Variants in CHCHD6 observed in about 807,000 individuals in gnomAD.
The protein encoded by CHCHD6 is MICOS complex subunit MIC25.
A neutral mutation model predicts 32.3 loss-of-function variants in CHCHD6; 28 were observed. That is an observed-to-expected ratio of 0.87 (90% CI 0.64 to 1.19). The LOEUF (loss-of-function observed/expected upper bound fraction) is 1.19. Ranked by LOEUF, CHCHD6 falls within the 50% of genes most tolerant of loss-of-function variation. The probability of loss-of-function intolerance (pLI) is 0.00; values close to 1 mark genes in which losing one functional copy is unlikely to be tolerated. For missense variants in CHCHD6, 333 were observed against 307.0 expected (o/e 1.08, Z -0.63); for synonymous variants, 122 against 117.5 (o/e 1.04, Z -0.25).
At chr3:126,796,687 C>A (rs1246348029) in intron 4 of CHCHD6, among the ~76,000 whole-genome samples, 1 of 152,090 alleles carries the variant, frequency 6.6e-6, no homozygotes, top group African/African-American at 2.4e-5. Context: ...GTGATTTGAA[C>A]AATGGAAATG....
chr3:126,847,544 A>G (rs1941333223), intron 4 of CHCHD6, among the ~76,000 whole-genome samples: 2 of 152,276 alleles, frequency 1.3e-5, no homozygotes, highest in East Asian at 3.9e-4. Context: ...ACTTTGCCAT[A>G]TTCTATTTAT....
At chr3:126,832,675 C>T (rs908510029) in intron 4 of CHCHD6, among the ~76,000 whole-genome samples, 1 of 152,158 alleles carries the variant, frequency 6.6e-6, no homozygotes, top group Admixed American at 6.5e-5. Flanking sequence ...AGAATTGCTG[C>T]CATCTTCATG....
At chr3:126,732,939 ACT>A (rs1935874652) in intron 3 of CHCHD6, 137 bp from the exon 4 acceptor site, 4 of 847,350 alleles carry the variant, frequency 4.7e-6, no homozygotes, top group Non-Finnish European at 7.4e-6. Context: ...GTTTCACAGC[ACT>A]CTCTCCTTTC....
chr3:126,857,454 A>G (rs899552657), intron 5 of CHCHD6, among the ~76,000 whole-genome samples: 9 of 152,140 alleles, frequency 5.9e-5, no homozygotes, highest in Non-Finnish European at 7.3e-5. Flanking sequence ...CTGAGCAGTC[A>G]GCCCTTTCCC....
At chr3:126,844,871 T>C (rs1240934762) in intron 4 of CHCHD6, among the ~76,000 whole-genome samples, 1 of 152,038 alleles carries the variant, frequency 6.6e-6, no homozygotes, top group African/African-American at 2.4e-5. Flanking sequence ...GAAAAGAAGA[T>C]ATGATAAGGG....
At chr3:126,816,708 T>A (rs1275999710) in intron 4 of CHCHD6, among the ~76,000 whole-genome samples, 2 of 152,166 alleles carry the variant, frequency 1.3e-5, no homozygotes, top group Non-Finnish European at 2.9e-5. Context: ...TTATTTATTT[T>A]TTTATATATT....
chr3:126,749,071 C>T (rs1193092496), intron 4 of CHCHD6, among the ~76,000 whole-genome samples: 1 of 152,102 alleles, frequency 6.6e-6, no homozygotes, highest in Non-Finnish European at 1.5e-5. Context: ...GGGAGCTCTG[C>T]AGTTTGTGGG....
intron 6 of CHCHD6, among the ~76,000 whole-genome samples, chr3:126,926,353 AG>A (rs1427007815): frequency 6.6e-6 from 1 of 152,254 alleles, no homozygotes; most frequent in Admixed American, 6.5e-5. Context: ...TATGAACTCA[AG>A]GAATACCAAA....
chr3:126,751,146 A>AT (rs112307410), intron 4 of CHCHD6, among the ~76,000 whole-genome samples: 22,126 of 143,912 alleles, frequency 0.15, 1,780 homozygotes, highest in South Asian at 0.3. Flanking sequence ...GGGGACTGTT[A>AT]TTTTTTTTTT....
intron 2 of CHCHD6, among the ~76,000 whole-genome samples, chr3:126,729,708 C>T (rs531078929): frequency 1.7e-4 from 26 of 152,204 alleles, no homozygotes; most frequent in African/African-American, 3.6e-4. Flanking sequence ...AAGTGCCCCC[C>T]GAAGGATCCC....
chr3:126,736,477 C>T (rs554613930), intron 4 of CHCHD6, among the ~76,000 whole-genome samples: 36 of 152,266 alleles, frequency 2.4e-4, no homozygotes, highest in African/African-American at 7.5e-4. Flanking sequence ...TACTGAGTGC[C>T]GCTTAATATG....
rs201019715 is a variant in CHCHD6 at position 126,730,657 on chromosome 3, G to A, written c.266+27G>A. ...TGAGCCCGAGAGCCTGCTTGCTCCC[G>A]GCACTGCGCTCCGCCTAAAAGCCTC... is the stretch of plus-strand genomic sequence containing the variant. On this transcript the variant is annotated intron_variant, in intron 3 of 7. Coordinates refer to ENST00000290913, the MANE Select transcript of CHCHD6 (RefSeq NM_032343.3). 1.3e-5 allele frequency: 21 copies of A among 1,598,668 alleles called. No individual in the cohort carries two copies. In the East Asian group the frequency reaches 2.5e-4, roughly 19 times the overall value.
At chr3:126,863,543 C>T (rs1376883407) in intron 5 of CHCHD6, among the ~76,000 whole-genome samples, 2 of 140,664 alleles carry the variant, frequency 1.4e-5, no homozygotes, top group East Asian at 4.4e-4. Flanking sequence ...TCCTCCTCCT[C>T]CACCATCACC....
intron 5 of CHCHD6, among the ~76,000 whole-genome samples, chr3:126,901,402 G>A (rs78092878): frequency 2.1e-4 from 32 of 152,286 alleles, no homozygotes; most frequent in Non-Finnish European, 3.8e-4. Flanking sequence ...GCCAGGGCAC[G>A]GGAATGTACT....
intron 5 of CHCHD6, among the ~76,000 whole-genome samples, chr3:126,888,667 G>T (rs892465145): frequency 1.3e-5 from 2 of 152,212 alleles, no homozygotes; most frequent in Non-Finnish European, 2.9e-5. Context: ...ACGGGAGACA[G>T]CCCTCGTCTG....
intron 1 of CHCHD6, among the ~76,000 whole-genome samples, chr3:126,706,581 A>AGAGAGGATAAATGACTTGTCCAGAGGT (rs1491168566): frequency 5.3e-5 from 8 of 151,892 alleles, no homozygotes; most frequent in African/African-American, 1.7e-4. Flanking sequence ...CAAACTAATC[A>AGAGAGGATAAATGACTTGTCCAGAGGT]GAGAGGATAA....
intron 4 of CHCHD6, among the ~76,000 whole-genome samples, chr3:126,742,285 G>A (rs868544510): frequency 6.6e-6 from 1 of 152,178 alleles, no homozygotes; most frequent in Non-Finnish European, 1.5e-5. Flanking sequence ...CAGCAGAAGC[G>A]AAAGAAACCT....
chr3:126,803,993 T>G (rs941042682), intron 4 of CHCHD6, among the ~76,000 whole-genome samples: 1 of 152,052 alleles, frequency 6.6e-6, no homozygotes, highest in African/African-American at 2.4e-5. Flanking sequence ...AAGGCAGAAA[T>G]AAAGATGTTC....
At chr3:126,756,221 G>C (rs1936953918) in intron 4 of CHCHD6, among the ~76,000 whole-genome samples, 1 of 152,182 alleles carries the variant, frequency 6.6e-6, no homozygotes, top group Non-Finnish European at 1.5e-5. Context: ...GGCTGGGGAA[G>C]GTAGAGAGAG....
Sources: gnomAD v4.1 joint callset for allele counts (sites outside exome capture counted in the v4.1 genomes callset) on GRCh38, gnomAD v4.1.1 for gene constraint, MANE v1.5 for transcripts, NCBI Gene and HGNC (gene_info 2026-07-23, HGNC 2026-07-21) for gene names.